Variants in DOCK4 observed in about 807,000 individuals in gnomAD.
DOCK4 encodes dedicator of cytokinesis protein 4.
DOCK4 carries 97 observed loss-of-function variants against 268.1 expected under a neutral mutation model. The ratio of observed to expected loss-of-function variants is 0.36; its 90% CI spans 0.31 to 0.43. The LOEUF (loss-of-function observed/expected upper bound fraction) is 0.43. Among genes scored for constraint, DOCK4 ranks in the 20% least tolerant of loss-of-function variants. The probability of loss-of-function intolerance (pLI) is 1.00; values close to 1 mark genes in which losing one functional copy is unlikely to be tolerated. For synonymous variants in DOCK4, 954 were observed against 887.2 expected (o/e 1.08, Z -1.34); for missense variants, 2,145 against 2,455.7 (o/e 0.87, Z 2.67).
intron 1 of DOCK4, among the ~76,000 whole-genome samples, chr7:112,093,291 TCTGTTC>T (rs1809808127): frequency 6.6e-6 from 1 of 152,146 alleles, no homozygotes; most frequent in African/African-American, 2.4e-5. Context: ...CCCATAAATC[TCTGTTC>T]CTGTTAACAC....
intron 8 of DOCK4, among the ~76,000 whole-genome samples, chr7:111,948,165 C>T (rs1795773197): frequency 6.6e-6 from 1 of 152,176 alleles, no homozygotes; most frequent in African/African-American, 2.4e-5. Flanking sequence ...AAGGACTTTA[C>T]ATAAATTATC....
intron 22 of DOCK4, among the ~76,000 whole-genome samples, chr7:111,867,500 A>C (rs1401812677): frequency 6.6e-6 from 1 of 152,222 alleles, no homozygotes; most frequent in Non-Finnish European, 1.5e-5. Flanking sequence ...TGGCGGCAGC[A>C]GCAGCTCTGC....
chr7:111,911,595 G>A (rs1792106633), intron 13 of DOCK4, among the ~76,000 whole-genome samples: 2 of 152,076 alleles, frequency 1.3e-5, no homozygotes, highest in Admixed American at 6.6e-5. Context: ...ATTACAAGGT[G>A]GTACCGGAAA....
chr7:111,790,297 G>C (rs2133802335), intron 31 of DOCK4, among the ~76,000 whole-genome samples, 160 bp downstream of exon 31: 1 of 152,318 alleles, frequency 6.6e-6, no homozygotes, highest in Non-Finnish European at 1.5e-5. Flanking sequence ...GATCTGAGAA[G>C]TATCCACGGC....
chr7:112,153,660 C>T (rs548077147), intron 1 of DOCK4, among the ~76,000 whole-genome samples: 1 of 152,150 alleles, frequency 6.6e-6, no homozygotes, highest in Admixed American at 6.5e-5. Context: ...ATTTGGTGGA[C>T]CACTCTGGGA....
At chr7:111,823,097 C>G (rs192212999) in intron 26 of DOCK4, among the ~76,000 whole-genome samples, 12 of 150,754 alleles carry the variant, frequency 8.0e-5, no homozygotes, top group Non-Finnish European at 1.8e-4. Flanking sequence ...ATATTCCTCA[C>G]AAAGATGCCA....
intron 1 of DOCK4, among the ~76,000 whole-genome samples, chr7:112,135,559 C>G (rs1020628079): frequency 2.6e-5 from 4 of 152,070 alleles, no homozygotes; most frequent in Admixed American, 2.6e-4. Context: ...CTTTAATCAA[C>G]AGAAAGCCAT....
At chr7:112,043,221 T>C (rs1804544067) in intron 1 of DOCK4, among the ~76,000 whole-genome samples, 2 of 147,778 alleles carry the variant, frequency 1.4e-5, no homozygotes. Flanking sequence ...CTGACACTGT[T>C]ACTAAATCTC....
intron 1 of DOCK4, among the ~76,000 whole-genome samples, chr7:112,121,361 TC>T (rs1211590582): frequency 6.6e-6 from 1 of 152,122 alleles, no homozygotes; most frequent in Non-Finnish European, 1.5e-5. Flanking sequence ...TTCCCCACAT[TC>T]CCCTATGTGT....
chr7:112,005,482 T>C (rs942377206), intron 1 of DOCK4, among the ~76,000 whole-genome samples: 1 of 152,232 alleles, frequency 6.6e-6, no homozygotes, highest in Non-Finnish European at 1.5e-5. Context: ...TTTCTAACTA[T>C]AACCATGAAT....
At chr7:111,781,181 G>T (rs1003275882) in intron 35 of DOCK4, among the ~76,000 whole-genome samples, 1 of 152,216 alleles carries the variant, frequency 6.6e-6, no homozygotes, top group African/African-American at 2.4e-5. Flanking sequence ...ATGGAAGAAT[G>T]GAGAGGATTA....
intron 8 of DOCK4, among the ~76,000 whole-genome samples, chr7:111,957,623 C>T (rs1796544974): frequency 6.6e-6 from 1 of 152,138 alleles, no homozygotes; most frequent in Admixed American, 6.5e-5. Flanking sequence ...TTGTTAATCT[C>T]GAATCGTCTT....
At chr7:112,175,255 G>A (rs2116642585) in intron 1 of DOCK4, among the ~76,000 whole-genome samples, 1 of 152,196 alleles carries the variant, frequency 6.6e-6, no homozygotes, top group Admixed American at 6.5e-5. Context: ...GTCCTATAAT[G>A]ACATTTGAAA....
At chr7:111,817,158 T>A (rs954797756) in intron 27 of DOCK4, among the ~76,000 whole-genome samples, 2 of 152,244 alleles carry the variant, frequency 1.3e-5, no homozygotes, top group Non-Finnish European at 2.9e-5. Context: ...CTGGAGGAGA[T>A]GGATTGTGCA....
chr7:111,865,871 C>A (rs80336600), intron 22 of DOCK4, among the ~76,000 whole-genome samples: 1 of 152,226 alleles, frequency 6.6e-6, no homozygotes, highest in East Asian at 1.9e-4. Flanking sequence ...GCACCTCCCC[C>A]CACCGGCTGA....
At chr7:112,102,283 G>A (rs898412036) in intron 1 of DOCK4, among the ~76,000 whole-genome samples, 10 of 152,090 alleles carry the variant, frequency 6.6e-5, no homozygotes, top group African/African-American at 2.4e-4. Flanking sequence ...AAAGATTAAT[G>A]AGTAAGTGAC....
intron 12 of DOCK4, among the ~76,000 whole-genome samples, chr7:111,926,693 C>A (rs764280095): frequency 6.6e-6 from 1 of 150,914 alleles, no homozygotes; most frequent in Non-Finnish European, 1.5e-5. Context: ...ATAAGCCAAG[C>A]GTGGTGGTGT....
At chr7:111,764,986 C>T in intron 39 of DOCK4, 132 bp downstream of exon 39, 1 of 460,906 alleles carries the variant, frequency 2.2e-6, no homozygotes, top group Non-Finnish European at 3.8e-6. Flanking sequence ...ATAGTGTCTG[C>T]AAAGTAAAAG....
intron 1 of DOCK4, among the ~76,000 whole-genome samples, chr7:112,100,943 G>A (rs1810623693): frequency 6.6e-6 from 1 of 152,134 alleles, no homozygotes; most frequent in Non-Finnish European, 1.5e-5. Flanking sequence ...TCCAAACTCT[G>A]AGCTTTGAAT....
Sources: gnomAD v4.1 joint callset for allele counts (sites outside exome capture counted in the v4.1 genomes callset) on GRCh38, gnomAD v4.1.1 for gene constraint, MANE v1.5 for transcripts, NCBI Gene and HGNC (gene_info 2026-07-23, HGNC 2026-07-21) for gene names.